ENOX1: variants seen among roughly 807,000 people sequenced by gnomAD.
The protein encoded by ENOX1 is ecto-NOX disulfide-thiol exchanger 1.
A neutral mutation model predicts 82.5 loss-of-function variants in ENOX1; 42 were observed. That is an observed-to-expected ratio of 0.51 (90% CI 0.40 to 0.66). The LOEUF (loss-of-function observed/expected upper bound fraction) is 0.66. ENOX1 is among the 30% of genes least tolerant of loss of function. ENOX1 has a pLI of 0.00. For missense variants in ENOX1, 608 were observed against 811.6 expected (o/e 0.75, Z 3.05); for synonymous variants, 271 against 282.2 (o/e 0.96, Z 0.40).
At chr13:43,439,054 T>TC (rs983755549) in intron 3 of ENOX1, among the ~76,000 whole-genome samples, 1 of 149,714 alleles carries the variant, frequency 6.7e-6, no homozygotes, top group Non-Finnish European at 1.5e-5. Flanking sequence ...TTTTTTTTTT[T>TC]TTTTTTGAGC....
At chr13:43,717,890 C>T (rs2088262337) in intron 1 of ENOX1, among the ~76,000 whole-genome samples, 1 of 152,068 alleles carries the variant, frequency 6.6e-6, no homozygotes, top group Non-Finnish European at 1.5e-5. Flanking sequence ...AAATATGATG[C>T]TGGTGAGGCT....
intron 1 of ENOX1, among the ~76,000 whole-genome samples, chr13:43,712,889 T>C (rs1227360435): frequency 6.6e-6 from 1 of 151,920 alleles, no homozygotes; most frequent in African/African-American, 2.4e-5. Context: ...CTTTTCCTAA[T>C]TGAATACCCT....
At chr13:43,449,822 G>A (rs1047813369) in intron 3 of ENOX1, among the ~76,000 whole-genome samples, 23 of 152,264 alleles carry the variant, frequency 1.5e-4, no homozygotes, top group African/African-American at 5.1e-4. Context: ...AAATGCAAAT[G>A]TGGGAAGGGA....
chr13:43,340,806 G>A (rs920320128), intron 9 of ENOX1, among the ~76,000 whole-genome samples: 4 of 152,188 alleles, frequency 2.6e-5, no homozygotes, highest in East Asian at 1.9e-4. Context: ...CCTCCTGCCT[G>A]TCTTCTGATC....
chr13:43,692,342 A>T (rs193075315), intron 1 of ENOX1, among the ~76,000 whole-genome samples: 32 of 152,360 alleles, frequency 2.1e-4, no homozygotes. Context: ...AAGAAAATTT[A>T]ATGGACAATT....
chr13:43,510,198 A>T (rs960382266), intron 2 of ENOX1, among the ~76,000 whole-genome samples: 1 of 152,142 alleles, frequency 6.6e-6, no homozygotes, highest in African/African-American at 2.4e-5. Flanking sequence ...AGATCAATCC[A>T]TGTGAGATTT....
chr13:43,489,697 G>T (rs11147912), intron 2 of ENOX1, among the ~76,000 whole-genome samples: 19,302 of 152,160 alleles, frequency 0.13, 1,842 homozygotes, highest in East Asian at 0.49. Context: ...TCCAGCCCGC[G>T]AGAGCTGCTT....
In ENOX1 at chr13:43,327,116, C is replaced by T. The variant is rs958271881; in HGVS notation, c.1037-591G>A. ...GCTCCTTTTTCCTCCCCCTGTTGCA[C>T]TGACTGCAGCCAGCCCTCCAGCCCT... On this transcript the variant is annotated intron_variant, in intron 9 of 16. Coordinates refer to ENST00000690772, the MANE Select transcript of ENOX1 (RefSeq NM_001347969.2). Among the ~76,000 whole-genome samples the T allele has an allele frequency of 2.0e-5, 3 of 152,194 alleles. No individual in the cohort carries two copies. In the South Asian group the frequency reaches 6.2e-4, roughly 32 times the overall value.
chr13:43,733,818 G>A (rs2089470442), intron 1 of ENOX1, among the ~76,000 whole-genome samples: 2 of 152,158 alleles, frequency 1.3e-5, no homozygotes, highest in African/African-American at 4.8e-5. Flanking sequence ...ATCAAGTTAA[G>A]ATAAGGTCCT....
intron 2 of ENOX1, among the ~76,000 whole-genome samples, chr13:43,522,306 T>C (rs1397017168): frequency 6.6e-6 from 1 of 152,144 alleles, no homozygotes; most frequent in South Asian, 2.1e-4. Flanking sequence ...ATGAGCTTTT[T>C]GTGTACTGGG....
intron 8 of ENOX1, among the ~76,000 whole-genome samples, chr13:43,353,620 A>C (rs1753558512): frequency 6.6e-6 from 1 of 152,206 alleles, no homozygotes; most frequent in South Asian, 2.1e-4. Context: ...TTCCTCTCTA[A>C]GGCAGCCAAT....
chr13:43,265,405 T>A lies in ENOX1; in HGVS notation c.1604A>T (p.Asp535Val), dbSNP rs2044313886. 22 of 1,611,476 alleles carry A rather than the reference T, an allele frequency of 1.4e-5. No homozygotes were observed. Among genetic ancestry groups the A allele is most frequent in the Non-Finnish European group, 1.9e-5 (22 of 1,178,688 alleles). ...CAGGTTTGTGGTACCTACATTTGAA[T>A]CCTCATGGCTGTGGCCATTGGTCTC... ...LVETNGHSHEDSNEINVLTVA... is the reference protein window; with the variant it reads ...LVETNGHSHEVSNEINVLTVA... The change falls in exon 14 of 17, where the codon GAT becomes GTT. Residue 535 changes from aspartate to valine, a missense_variant. Physicochemically the swap from Asp to Val is radical, Grantham distance 152. Coordinates refer to ENST00000690772, the MANE Select transcript of ENOX1 (RefSeq NM_001347969.2).
At chr13:43,303,923 C>T (rs964467191) in intron 11 of ENOX1, among the ~76,000 whole-genome samples, 2 of 152,186 alleles carry the variant, frequency 1.3e-5, no homozygotes, top group East Asian at 1.9e-4. Context: ...CTGCTCAGAC[C>T]GCTGCTCATT....
chr13:43,666,665 T>C (rs1164347357), intron 2 of ENOX1, among the ~76,000 whole-genome samples: 1 of 152,198 alleles, frequency 6.6e-6, no homozygotes, highest in Non-Finnish European at 1.5e-5. Flanking sequence ...TAAATTTCTA[T>C]TGTATAAACC....
chr13:43,387,856 A>C (rs1380949489), intron 5 of ENOX1, among the ~76,000 whole-genome samples: 1 of 152,138 alleles, frequency 6.6e-6, no homozygotes, highest in Non-Finnish European at 1.5e-5. Context: ...GGTGTTTTCG[A>C]ACATTTGACA....
chr13:43,413,714 T>C (rs1033251370), intron 3 of ENOX1, among the ~76,000 whole-genome samples: 4 of 144,698 alleles, frequency 2.8e-5, no homozygotes, highest in African/African-American at 7.4e-5. Flanking sequence ...TATATTTATA[T>C]ATATTTATAT....
intron 11 of ENOX1, among the ~76,000 whole-genome samples, chr13:43,310,098 G>A (rs1308956971): frequency 8.0e-6 from 1 of 124,426 alleles, no homozygotes; most frequent in Non-Finnish European, 1.7e-5. Context: ...AGCTGCTTGG[G>A]AGGCTGAGGC....
At chr13:43,386,082 A>G (rs924535015) in intron 5 of ENOX1, among the ~76,000 whole-genome samples, 13 of 152,284 alleles carry the variant, frequency 8.5e-5, no homozygotes, top group East Asian at 5.8e-4. Flanking sequence ...AGGAGAATCA[A>G]TTGAGCCTTG....
intron 11 of ENOX1, among the ~76,000 whole-genome samples, chr13:43,317,793 C>G (rs570295375): frequency 6.6e-6 from 1 of 151,962 alleles, no homozygotes; most frequent in Non-Finnish European, 1.5e-5. Context: ...CTCACTAAGT[C>G]AGGAGATCGA....
Sources: gnomAD v4.1 joint callset for allele counts (sites outside exome capture counted in the v4.1 genomes callset) on GRCh38, gnomAD v4.1.1 for gene constraint, MANE v1.5 for transcripts, NCBI Gene and HGNC (gene_info 2026-07-23, HGNC 2026-07-21) for gene names.